Variants in GTF3C2 observed in about 807,000 individuals in gnomAD.
GTF3C2 encodes general transcription factor 3C polypeptide 2.
Under a neutral mutation model 117.4 loss-of-function variants are expected in GTF3C2, and 17 were observed. The observed-to-expected ratio is 0.14, with a 90% CI of 0.10 to 0.22. GTF3C2 has a LOEUF of 0.22. GTF3C2 is among the 10% of genes least tolerant of loss of function. The pLI is 1.00. For synonymous variants in GTF3C2, 437 were observed against 427.0 expected, an observed-to-expected ratio of 1.02 and a Z score of -0.29; for missense variants, 888 against 1,143.6, an observed-to-expected ratio of 0.78 and a Z score of 3.22.
At chr2:27,353,449 G>GT (rs1337359625) in intron 1 of GTF3C2, among the ~76,000 whole-genome samples, 1 of 150,136 alleles carries the variant, frequency 6.7e-6, no homozygotes, top group Non-Finnish European at 1.5e-5. Context: ...TTTTGTTTTT[G>GT]TTTTTTTGAG....
At chr2:27,354,455 T>C (rs1681254348) in intron 1 of GTF3C2, among the ~76,000 whole-genome samples, 1 of 152,208 alleles carries the variant, frequency 6.6e-6, no homozygotes, top group South Asian at 2.1e-4. Flanking sequence ...AGAGAGCTTC[T>C]ATACAAGTCT....
exon 18 of GTF3C2, chr2:27,327,275 G>A (rs2148237797): frequency 1.3e-6 from 2 of 1,572,588 alleles, no homozygotes; most frequent in South Asian, 2.2e-5. Context: ...AGCAGATCAT[G>A]GAATGAACCC....
In GTF3C2 at chr2:27,336,632, G is replaced by A. The variant is rs1680489934; in HGVS notation, c.1128-207C>T. The A allele has an allele frequency of 2.7e-5, 14 of 526,554 alleles. 1 individual carries two copies. In the South Asian group the frequency reaches 3.4e-4, roughly 13 times the overall value. The allele number at this position is 526,554 out of a possible 1,614,324, so 32.6% of individuals were successfully genotyped here. On this transcript the variant is annotated intron_variant, in intron 7 of 18. Transcript: ENST00000264720. ...AGTCTGTCTTATATTATTATTATTT[G>A]AGATGGGGTCTGTCACCCAGGATGG...
At chr2:27,328,806 C>G in intron 15 of GTF3C2, 38 bp downstream of exon 15, 2 of 1,461,038 alleles carry the variant, frequency 1.4e-6, no homozygotes, top group Non-Finnish European at 1.9e-6. Context: ...GAGCCATTTT[C>G]CTTTGTAATG....
intron 1 of GTF3C2, among the ~76,000 whole-genome samples, chr2:27,353,471 CT>C (rs1173926550): frequency 2.6e-5 from 4 of 151,884 alleles, no homozygotes; most frequent in African/African-American, 9.7e-5. Context: ...CAGAGTCACG[CT>C]CTGTCTCCCA....
chr2:27,329,669 C>T lies in GTF3C2; in HGVS notation c.1733-146G>A. ...GATGTGGGGATCCTGATTAGCTATC[C>T]AACACTCCCTCCAGGGCTTAAAGAC... On this transcript the variant is annotated intron_variant, in intron 12 of 18. Transcript: ENST00000264720. The surrounding 1 kb of genome is among the most constrained non-coding windows in gnomAD (Gnocchi z 4.5). 1.4e-6 allele frequency: 1 copy of T among 717,098 alleles called. No individual in the cohort carries two copies. Among genetic ancestry groups the T allele is most frequent in the South Asian group, 1.8e-5 (1 of 55,122 alleles). 44.4% of individuals were successfully genotyped at this position (717,098 alleles called of 1,614,324 possible).
intron 9 of GTF3C2, 21 bp from the exon 10 acceptor site, chr2:27,335,727 T>A: frequency 6.9e-7 from 1 of 1,459,564 alleles, no homozygotes; most frequent in Non-Finnish European, 9.4e-7. Context: ...AAAGGTATGC[T>A]GAGGCTTGCT....
intron 1 of GTF3C2, among the ~76,000 whole-genome samples, chr2:27,353,645 G>T (rs550158404): frequency 1.3e-5 from 2 of 152,134 alleles, no homozygotes; most frequent in South Asian, 4.2e-4. Context: ...CACCATGTTG[G>T]CCAGGCTGGT....
At chr2:27,338,798 A>C (rs1680604205) in intron 4 of GTF3C2, among the ~76,000 whole-genome samples, 1 of 150,514 alleles carries the variant, frequency 6.6e-6, no homozygotes, top group African/African-American at 2.4e-5. Context: ...TCGGCCTCCC[A>C]AAGTGCTGGG....
chr2:27,342,141 G>T, exon 4 of GTF3C2: 1 of 1,614,142 alleles, frequency 6.2e-7, no homozygotes, highest in Non-Finnish European at 8.5e-7. Context: ...CGGTTTGGTG[G>T]GGCTGCTCAC....
At chr2:27,338,094 C>A in intron 4 of GTF3C2, 74 bp from the exon 5 acceptor site, 1 of 898,790 alleles carries the variant, frequency 1.1e-6, no homozygotes, top group Non-Finnish European at 1.9e-6. Context: ...ACAGCTCTTT[C>A]CCAGTTTTTA....
intron 10 of GTF3C2, 144 bp downstream of exon 10, chr2:27,335,454 G>A (rs1320996714): frequency 2.8e-6 from 2 of 715,384 alleles, no homozygotes; most frequent in Non-Finnish European, 5.2e-6. Flanking sequence ...ACAAACCTGA[G>A]TCACAATGCA....
chr2:27,326,668 G>A, exon 19 of GTF3C2: 1 of 1,607,088 alleles, frequency 6.2e-7, no homozygotes, highest in Non-Finnish European at 8.5e-7. Flanking sequence ...TCTGGTGTGG[G>A]CCAAGGCTAG....
At chr2:27,326,521 A>G in exon 19 of GTF3C2, 1 of 627,324 alleles carries the variant, frequency 1.6e-6, no homozygotes, top group East Asian at 2.7e-5. Context: ...GTCTGTAGAA[A>G]GAGTGGGATC....
exon 2 of GTF3C2, chr2:27,343,573 C>A (rs908372521): frequency 1.2e-6 from 2 of 1,612,910 alleles, no homozygotes; most frequent in Non-Finnish European, 1.7e-6. Flanking sequence ...CCCAAAATGG[C>A]TGCCCCTGCA....
chr2:27,333,633 T>G, intron 12 of GTF3C2, 22 bp downstream of exon 12: 1 of 1,557,040 alleles, frequency 6.4e-7, no homozygotes, highest in Non-Finnish European at 8.8e-7. Context: ...TAGTTCCTTA[T>G]GTTTTATTTT....
intron 1 of GTF3C2, among the ~76,000 whole-genome samples, chr2:27,351,850 C>T (rs1193157789): frequency 6.6e-6 from 1 of 152,194 alleles, no homozygotes. Flanking sequence ...TGCAATGCCA[C>T]TTGCAGACCA....
chr2:27,329,618 C>T lies in GTF3C2; in HGVS notation c.1733-95G>A, dbSNP rs1680210266. The stretch of plus-strand genomic sequence containing the variant: ...GGGCTCCTAGGACCTTTGTCTTCTA[C>T]CCTCAGATCCAAACCACTATGAAAG... On this transcript the variant is annotated intron_variant, in intron 12 of 18. Coordinates refer to ENST00000264720, the Ensembl canonical transcript of GTF3C2. This position sits in a 1 kb window ranked among gnomAD's most constrained non-coding sequence, Gnocchi z 4.5. The T allele has an allele frequency of 5.1e-6, 6 of 1,175,292 alleles. No homozygotes were observed. Among genetic ancestry groups the T allele is most frequent in the Non-Finnish European group, 6.2e-6 (5 of 812,910 alleles). The allele number at this position is 1,175,292 out of a possible 1,614,324, so 72.8% of individuals were successfully genotyped here. A position where few individuals can be genotyped will look rare whatever the true frequency, so the allele number is the denominator to read the frequency against.
chr2:27,327,299 T>G lies in GTF3C2; in HGVS notation c.2410-15A>C, dbSNP rs1419922687. ...TGGAATGAACCCTGGGGAAGGGAAA[T>G]GGAATAGGAGAGAGAAAGTGAGACG... On this transcript the variant is annotated splice_polypyrimidine_tract_variant and intron_variant, in intron 17 of 18. Coordinates refer to ENST00000264720, the Ensembl canonical transcript of GTF3C2. The G allele has an allele frequency of 2.2e-6, 3 of 1,360,476 alleles. No individual in the cohort carries two copies. Among genetic ancestry groups the G allele is most frequent in the Admixed American group, 1.8e-5 (1 of 56,168 alleles). The allele number at this position is 1,360,476 out of a possible 1,614,324, so 84.3% of individuals were successfully genotyped here.
Sources: allele counts gnomAD v4.1 joint callset (sites outside exome capture counted in the v4.1 genomes callset), GRCh38; gene constraint gnomAD v4.1.1; non-coding constraint Gnocchi (gnomAD v3.1); transcripts MANE v1.5; gene names NCBI Gene and HGNC (gene_info 2026-07-23, HGNC 2026-07-21).